Variants in MAP3K15 observed in about 807,000 individuals in gnomAD.
MAP3K15 encodes the protein mitogen-activated protein kinase kinase kinase 15.
MAP3K15 carries 124 observed loss-of-function variants against 99.5 expected under a neutral mutation model. The observed-to-expected ratio is 1.25, with a 90% CI of 1.08 to 1.45. The LOEUF is 1.45. MAP3K15 is among the 40% of genes most tolerant of loss of function. MAP3K15 has a pLI of 0.00. For synonymous variants in MAP3K15, 494 were observed against 439.6 expected (o/e 1.12, Z -1.55); for missense variants, 1,242 against 1,079.7 (o/e 1.15, Z -2.11).
In MAP3K15 at chrX:19,396,055, G is replaced by C. The variant is rs1400645038; in HGVS notation, c.2067-847C>G. On this transcript the variant is annotated intron_variant, in intron 15 of 28. Transcript: ENST00000338883. ...TTCAAACTTGCCACAACTCACTAAG[G>C]AGAGTAATTCATTCCTCTTCTGCGT... Among the ~76,000 whole-genome samples, 7 of 111,668 alleles carry C rather than the reference G, an allele frequency of 6.3e-5. No homozygotes were observed. The Admixed American group carries it at 6.7e-4, about 11-fold the overall frequency.
intron 3 of MAP3K15, among the ~76,000 whole-genome samples, chrX:19,485,559 G>C (rs750668587): frequency 8.1e-5 from 9 of 110,630 alleles, no homozygotes; most frequent in Non-Finnish European, 1.5e-4. Context: ...TCTCAGGTGG[G>C]GAGCTCTGTC....
chrX:19,464,664 T>G (rs776225578), intron 3 of MAP3K15, among the ~76,000 whole-genome samples: 8 of 111,539 alleles, frequency 7.2e-5, no homozygotes, highest in African/African-American at 2.6e-4. Flanking sequence ...CTGGCAGAAA[T>G]TTTAGGGTTT....
chrX:19,415,003 A>G, intron 10 of MAP3K15, 104 bp downstream of exon 10: 1 of 717,624 alleles, frequency 1.4e-6, no homozygotes, highest in East Asian at 3.6e-5. Context: ...AACATTTAAA[A>G]TTACTCTACA....
chrX:19,479,724 T>C (rs967145294), intron 3 of MAP3K15, among the ~76,000 whole-genome samples: 2 of 112,467 alleles, frequency 1.8e-5, no homozygotes, highest in Non-Finnish European at 3.8e-5. Context: ...ATTTTCACTC[T>C]TTTACTTTCA....
rs376593942 is a variant in MAP3K15, at chrX:19,503,722, C to T, written c.361+11179G>A. Among the ~76,000 whole-genome samples the T allele has an allele frequency of 3.3e-4, 37 of 110,596 alleles. 1 individual carries two copies. Among genetic ancestry groups the T allele is most frequent in the African/African-American group, 1.0e-3 (32 of 30,516 alleles). ...GATTACAGGTGTGAGCCATCACACC[C>T]GGCCATAGGATATAAGAAGTCTTAA... On this transcript the variant is annotated intron_variant, in intron 1 of 28. Coordinates refer to ENST00000338883, the MANE Select transcript of MAP3K15 (RefSeq NM_001001671.4).
At position 19,426,289 on chromosome X, in the gene MAP3K15, T is replaced by A; in HGVS notation, c.1221A>T (p.Ala407=). The A allele has an allele frequency of 8.5e-7, 1 of 1,174,227 alleles. No individual in the cohort carries two copies. The highest frequency in any genetic ancestry group is 1.1e-6 in the Non-Finnish European group (1 of 881,241). The change falls in exon 8 of 29, where the codon GCA becomes GCT. Residue 407 remains alanine, a synonymous_variant. Coordinates refer to ENST00000338883, the MANE Select transcript of MAP3K15 (RefSeq NM_001001671.4). ...QSSLYSGINL[A]VLLIVAGQQF... ...GTTGTCCAGCAACAATCAGCAAAAC[T>A]GCAAGATTAATTCCCGAATAGAGGG... is the stretch of plus-strand genomic sequence containing the variant.
intron 3 of MAP3K15, among the ~76,000 whole-genome samples, chrX:19,467,137 G>C (rs1353931640): frequency 9.0e-6 from 1 of 111,445 alleles, no homozygotes; most frequent in African/African-American, 3.3e-5. Flanking sequence ...GTTGTCCTGA[G>C]GGCATGTAGC....
Position 19,371,066 on chromosome X carries a change from T to TAAA in MAP3K15, c.3295-5_3295-3dup. 4 of 905,318 alleles carry TAAA rather than the reference T, an allele frequency of 4.4e-6. No homozygotes were observed. Among genetic ancestry groups the TAAA allele is most frequent in the Admixed American group, 3.9e-5 (1 of 25,703 alleles). The allele number at this position is 905,318 out of a possible 1,213,427, so 74.6% of individuals were successfully genotyped here. A position where few individuals can be genotyped will look rare whatever the true frequency, so the allele number is the denominator to read the frequency against. ...GTGGTTCCTCAAAATTTTATTTACC[T>TAAA]AAAAAAAAAAAAAATAATAAAATAA... On this transcript the variant is annotated splice_region_variant and splice_polypyrimidine_tract_variant and intron_variant, in intron 23 of 28. Transcript: ENST00000338883.
In MAP3K15 at chrX:19,469,164, G is replaced by A. The variant is rs765558632; in HGVS notation, c.526-4758C>T. Among the ~76,000 whole-genome samples, 194 of 111,058 alleles carry A rather than the reference G, an allele frequency of 1.7e-3. 1 individual carries two copies. Among genetic ancestry groups the A allele is most frequent in the African/African-American group, 5.9e-3 (180 of 30,596 alleles). Reference sequence around the variant, plus strand: ...ACTTCAAACTATACTACAAGGCTACGGTAACCAAAACAGCATGGTACTGGT... The same window carrying A: ...ACTTCAAACTATACTACAAGGCTACAGTAACCAAAACAGCATGGTACTGGT... On this transcript the variant is annotated intron_variant, in intron 3 of 28. Transcript: ENST00000338883.
At chrX:19,401,807 C>G (rs1024575232) in intron 13 of MAP3K15, among the ~76,000 whole-genome samples, 1 of 112,274 alleles carries the variant, frequency 8.9e-6, no homozygotes, top group Non-Finnish European at 1.9e-5. Flanking sequence ...TTTTTACTCA[C>G]AATTCTCTCT....
intron 1 of MAP3K15, among the ~76,000 whole-genome samples, chrX:19,500,116 G>A (rs2064431545): frequency 2.7e-5 from 3 of 111,435 alleles, no homozygotes; most frequent in Admixed American, 9.6e-5. Flanking sequence ...GTGTGGTGGC[G>A]TATGCCTGTA....
chrX:19,465,980 G>T (rs984921762), intron 3 of MAP3K15, among the ~76,000 whole-genome samples: 1 of 109,153 alleles, frequency 9.2e-6, no homozygotes, highest in Non-Finnish European at 1.9e-5. Context: ...TTGAGACAAG[G>T]TCTTGCTCTG....
chrX:19,474,037 T>C (rs2147377806), intron 3 of MAP3K15, among the ~76,000 whole-genome samples: 1 of 112,001 alleles, frequency 8.9e-6, no homozygotes, highest in Admixed American at 9.5e-5. Context: ...ACTGTGATCT[T>C]TTCCTAAGGA....
chrX:19,369,024 C>T lies in MAP3K15; in HGVS notation c.3566+30G>A, dbSNP rs1308925400. 8 of 1,154,680 alleles carry T rather than the reference C, an allele frequency of 6.9e-6. No individual in the cohort carries two copies. In the African/African-American group the frequency reaches 7.3e-5, roughly 10 times the overall value. ...GCTCAGGCCACTGTCCCAGCGCCTG[C>T]TCCCAGAGGAGGGCCCAGAAGCTCC... On this transcript the variant is annotated intron_variant, in intron 25 of 28. Coordinates refer to ENST00000338883, the MANE Select transcript of MAP3K15 (RefSeq NM_001001671.4).
intron 4 of MAP3K15, among the ~76,000 whole-genome samples, chrX:19,463,512 T>G (rs1034580737): frequency 8.9e-6 from 1 of 112,208 alleles, no homozygotes; most frequent in African/African-American, 3.2e-5. Context: ...GCAAAATAAC[T>G]GGATCCTTTG....
At chrX:19,480,811 C>G (rs2064283561) in intron 3 of MAP3K15, among the ~76,000 whole-genome samples, 1 of 96,845 alleles carries the variant, frequency 1.0e-5, no homozygotes, top group Non-Finnish European at 2.1e-5. Flanking sequence ...GAGTGAAACT[C>G]TGTCTCAAAA....
chrX:19,411,012 C>A (rs1169804561), intron 11 of MAP3K15, among the ~76,000 whole-genome samples: 1 of 110,183 alleles, frequency 9.1e-6, no homozygotes, highest in Non-Finnish European at 1.9e-5. Flanking sequence ...GCTGAAACCC[C>A]GTCTCTACTA....
chrX:19,448,013 C>T (rs933365177), intron 6 of MAP3K15, among the ~76,000 whole-genome samples: 1 of 107,699 alleles, frequency 9.3e-6, no homozygotes, highest in South Asian at 4.3e-4. Flanking sequence ...TCTCAACACC[C>T]GCTCTAAGGT....
rs1453534435 is a variant in MAP3K15 at position 19,369,216 on chromosome X, A to G, written c.3404T>C (p.Leu1135Pro). ...QAAVTILIPE[L>P]RAHFEPTCET... ...ACAGGTAGGCTCAAAGTGGGCTCGGAGCTCTGCAAATCACACAAGACATGA... is the reference window on the plus strand; with the variant it reads ...ACAGGTAGGCTCAAAGTGGGCTCGGGGCTCTGCAAATCACACAAGACATGA... The change falls in exon 25 of 29, where the codon CTC becomes CCC. Residue 1135 changes from leucine to proline, a missense_variant. Leu to Pro is a moderately conservative substitution (Grantham distance 98). Coordinates refer to ENST00000338883, the MANE Select transcript of MAP3K15 (RefSeq NM_001001671.4). 1 of 1,209,249 alleles carries G rather than the reference A, an allele frequency of 8.3e-7. No homozygotes were observed. Among genetic ancestry groups the G allele is most frequent in the Non-Finnish European group, 1.1e-6 (1 of 894,943 alleles).
Sources: allele counts gnomAD v4.1 joint callset (sites outside exome capture counted in the v4.1 genomes callset), GRCh38; gene constraint gnomAD v4.1.1; transcripts MANE v1.5; gene names NCBI Gene and HGNC (gene_info 2026-07-23, HGNC 2026-07-21).